Variants in TRDN observed in about 807,000 individuals in gnomAD.
TRDN encodes the protein triadin, also known as triadin in skeletal muscle.
TRDN carries 161 observed loss-of-function variants against 149.7 expected under a neutral mutation model. That is an observed-to-expected ratio of 1.08 (90% CI 0.95 to 1.23). The LOEUF (loss-of-function observed/expected upper bound fraction) is 1.23, where lower values mean the gene tolerates loss of function less well. TRDN is among the 50% of genes most tolerant of loss of function. The pLI is 0.00. For synonymous variants in TRDN, 294 were observed against 250.5 expected (o/e 1.17, Z -1.64); for missense variants, 896 against 823.5 (o/e 1.09, Z -1.08).
At chr6:123,532,146 C>T (rs1236739130) in intron 4 of TRDN, among the ~76,000 whole-genome samples, 2 of 151,872 alleles carry the variant, frequency 1.3e-5, no homozygotes, top group African/African-American at 4.8e-5. Flanking sequence ...ATGGTTAATC[C>T]AAATTGAGAT....
intron 12 of TRDN, among the ~76,000 whole-genome samples, chr6:123,407,671 A>G (rs897391299): frequency 2.0e-5 from 3 of 152,122 alleles, no homozygotes; most frequent in African/African-American, 7.2e-5. Context: ...TTGTATAAAT[A>G]ATGAACTAAA....
intron 4 of TRDN, among the ~76,000 whole-genome samples, chr6:123,542,859 C>CGTGTGTGTGT (rs10678221): frequency 2.0e-4 from 29 of 147,094 alleles, no homozygotes; most frequent in Middle Eastern, 3.5e-3. Flanking sequence ...TGCATGTTTG[C>CGTGTGTGTGT]GTGTGTGTGT....
intron 12 of TRDN, among the ~76,000 whole-genome samples, chr6:123,425,861 AT>A (rs762005499): frequency 2.4e-4 from 37 of 152,198 alleles, no homozygotes; most frequent in Non-Finnish European, 4.9e-4. Context: ...GGATATTTAT[AT>A]AATATACATA....
intron 34 of TRDN, among the ~76,000 whole-genome samples, chr6:123,260,226 T>C (rs979579551): frequency 6.6e-6 from 1 of 152,050 alleles, no homozygotes; most frequent in East Asian, 1.9e-4. Flanking sequence ...GAAATAAGAA[T>C]TTGCCTGGCA....
At chr6:123,566,067 CAG>C (rs1490475040) in intron 2 of TRDN, among the ~76,000 whole-genome samples, 2 of 152,168 alleles carry the variant, frequency 1.3e-5, no homozygotes, top group African/African-American at 4.8e-5. Context: ...CTATGTAATT[CAG>C]AGTTGCTTTC....
At chr6:123,578,203 T>C (rs1194447012) in intron 1 of TRDN, among the ~76,000 whole-genome samples, 3 of 152,200 alleles carry the variant, frequency 2.0e-5, no homozygotes, top group Non-Finnish European at 4.4e-5. Context: ...ATGAAATCTT[T>C]GCCCATTCCT....
At chr6:123,626,949 A>G (rs1287166691) in intron 1 of TRDN, among the ~76,000 whole-genome samples, 1 of 150,590 alleles carries the variant, frequency 6.6e-6, no homozygotes, top group Non-Finnish European at 1.5e-5. Context: ...ATTTTTTGAG[A>G]CAGAGTTTTG....
intron 7 of TRDN, among the ~76,000 whole-genome samples, chr6:123,505,782 C>CTCTGCCTCTCA (rs1334186300): frequency 6.6e-6 from 1 of 151,864 alleles, no homozygotes. Flanking sequence ...TCACTGCAAC[C>CTCTGCCTCTCA]TCTGCCTCTC....
intron 5 of TRDN, among the ~76,000 whole-genome samples, chr6:123,521,527 A>G (rs1759132624): frequency 6.6e-6 from 1 of 152,154 alleles, no homozygotes; most frequent in Non-Finnish European, 1.5e-5. Context: ...GGAGAGAGGC[A>G]TGGAACAGAT....
chr6:123,433,279 C>T (rs1353200769), intron 12 of TRDN, among the ~76,000 whole-genome samples: 1 of 150,932 alleles, frequency 6.6e-6, no homozygotes, highest in Non-Finnish European at 1.5e-5. Context: ...CTCTAATAAT[C>T]TTATCTATTT....
At chr6:123,290,395 C>T (rs1777961026) in intron 24 of TRDN, among the ~76,000 whole-genome samples, 1 of 152,046 alleles carries the variant, frequency 6.6e-6, no homozygotes, top group South Asian at 2.1e-4. Context: ...TAAAAGAGCA[C>T]TCATAAATTA....
At chr6:123,616,559 T>C (rs1052055701) in intron 1 of TRDN, among the ~76,000 whole-genome samples, 16 of 152,186 alleles carry the variant, frequency 1.1e-4, no homozygotes, top group African/African-American at 3.6e-4. Flanking sequence ...ACTGTGTAAA[T>C]GCTGTATAAA....
At chr6:123,421,190 C>T (rs997915316) in intron 12 of TRDN, among the ~76,000 whole-genome samples, 1 of 152,118 alleles carries the variant, frequency 6.6e-6, no homozygotes, top group African/African-American at 2.4e-5. Flanking sequence ...TAATGCTTTC[C>T]GTGGCTCTCT....
intron 2 of TRDN, among the ~76,000 whole-genome samples, chr6:123,552,573 T>G (rs2114457155): frequency 6.6e-6 from 1 of 152,282 alleles, no homozygotes; most frequent in Middle Eastern, 3.4e-3. Flanking sequence ...CCCAGCGCTG[T>G]GCCAACTATA....
intron 10 of TRDN, among the ~76,000 whole-genome samples, chr6:123,456,398 C>G (rs900576770): frequency 6.6e-6 from 1 of 152,152 alleles, no homozygotes; most frequent in Non-Finnish European, 1.5e-5. Context: ...TCTTCTACTT[C>G]TTAATATAAG....
intron 1 of TRDN, among the ~76,000 whole-genome samples, chr6:123,579,223 T>G (rs1308450896): frequency 6.6e-6 from 1 of 152,156 alleles, no homozygotes; most frequent in East Asian, 1.9e-4. Context: ...TGTGCTGGTT[T>G]TCAAGGGAAA....
intron 7 of TRDN, among the ~76,000 whole-genome samples, chr6:123,505,147 G>A (rs1778862110): frequency 6.6e-6 from 1 of 150,474 alleles, no homozygotes; most frequent in Non-Finnish European, 1.5e-5. Context: ...AGGAGGCTGA[G>A]GCAGGAGAAT....
intron 12 of TRDN, among the ~76,000 whole-genome samples, chr6:123,422,726 A>G (rs968913255): frequency 5.3e-5 from 8 of 152,174 alleles, no homozygotes; most frequent in African/African-American, 1.7e-4. Flanking sequence ...GTGGTTAAAT[A>G]AAATGGGGCA....
rs532289214 is a variant in TRDN at position 123,400,419 on chromosome 6, A to T, written c.1052-6742T>A. On this transcript the variant is annotated intron_variant, in intron 12 of 40. Transcript: ENST00000334268. ...TAATGGGGGATGGTTTTGAGATGAAACTGTTTCACCTCAGATCGTCAGGCA... is the reference window on the plus strand; with the variant it reads ...TAATGGGGGATGGTTTTGAGATGAATCTGTTTCACCTCAGATCGTCAGGCA... Among the ~76,000 whole-genome samples the T allele has an allele frequency of 1.4e-4, 21 of 151,840 alleles. No individual in the cohort carries two copies. The South Asian group carries it at 4.2e-3, about 30-fold the overall frequency.
Sources: gnomAD v4.1 joint callset for allele counts (sites outside exome capture counted in the v4.1 genomes callset) on GRCh38, gnomAD v4.1.1 for gene constraint, MANE v1.5 for transcripts, NCBI Gene and HGNC (gene_info 2026-07-23, HGNC 2026-07-21) for gene names.